MYO7A: variants seen among roughly 807,000 people sequenced by gnomAD.
The protein encoded by MYO7A is unconventional myosin-VIIa.
A neutral mutation model predicts 263.8 loss-of-function variants in MYO7A; 210 were observed. The observed-to-expected ratio is 0.80, with a 90% confidence interval of 0.71 to 0.89. The LOEUF (loss-of-function observed/expected upper bound fraction) is 0.89, where lower values mean the gene tolerates loss of function less well. Among genes scored for constraint, MYO7A ranks in the 40% least tolerant of loss-of-function variants. The probability of loss-of-function intolerance (pLI) is 0.00; values close to 1 mark genes in which losing one functional copy is unlikely to be tolerated. For synonymous variants in MYO7A, 1,239 were observed against 1,197.3 expected, an observed-to-expected ratio of 1.03 and a Z score of -0.72; for missense variants, 2,820 against 2,968.3, an observed-to-expected ratio of 0.95 and a Z score of 1.16.
At chr11:77,189,618 C>T in intron 28 of MYO7A, 148 bp downstream of exon 28, 1 of 1,228,904 alleles carries the variant, frequency 8.1e-7, no homozygotes, top group East Asian at 2.4e-5. Flanking sequence ...CCTGGCACCC[C>T]CTCCTCTCAG....
intron 5 of MYO7A, 123 bp from the exon 6 acceptor site, chr11:77,156,537 G>A: frequency 1.4e-6 from 2 of 1,408,358 alleles, no homozygotes; most frequent in Non-Finnish European, 2.0e-6. Flanking sequence ...GCCCTGGAGG[G>A]TCCGTATTGT....
Position 77,189,384 on chromosome 11 carries a change from A to G in MYO7A, c.3544A>G (p.Asn1182Asp), listed in dbSNP as rs782521049. The G allele has an allele frequency of 6.2e-7, 1 of 1,613,804 alleles. No individual in the cohort carries two copies. Among genetic ancestry groups the G allele is most frequent in the South Asian group, 1.1e-5 (1 of 91,076 alleles). ...CCAGATCAGCAAGCAGCTGACCCAC[A>G]ACCCCTCCAAGAGCAGCTATGCCCG... ...YCQISKQLTHNPSKSSYARGW... is the reference protein window; with the variant it reads ...YCQISKQLTHDPSKSSYARGW... Residue 1182 changes from asparagine (N) to aspartate (D), a missense_variant, in exon 28 of 49, where the codon AAC (asparagine) becomes GAC (aspartate). Physicochemically the swap from Asn to Asp is conservative, Grantham distance 23. Transcript: ENST00000409709.
At chr11:77,195,320 C>A (rs1956566402) in intron 32 of MYO7A, among the ~76,000 whole-genome samples, 1 of 152,124 alleles carries the variant, frequency 6.6e-6, no homozygotes, top group Non-Finnish European at 1.5e-5. Context: ...CCCCCGAACC[C>A]CACTTCAGAG....
In MYO7A at chr11:77,182,088, G is replaced by GGGGA. The variant is rs1955276590; in HGVS notation, c.3042_3043insGGGA (p.His1015GlyfsTer17). Reference sequence around the variant, plus strand: ...CCACCTACTTCCAGGGGACAACCACGCACTCCTACACCCGGCGGCCACTCA... The same window carrying GGGGA: ...CCACCTACTTCCAGGGGACAACCACGGGGACACTCCTACACCCGGCGGCCACTCA... On this transcript the variant is annotated frameshift_variant, in exon 24 of 49. Coordinates refer to ENST00000409709, the MANE Select transcript of MYO7A (RefSeq NM_000260.4). LOFTEE classifies it high-confidence loss of function. The GGGGA allele has an allele frequency of 6.2e-7, 1 of 1,613,208 alleles. No homozygotes were observed. Among genetic ancestry groups the GGGGA allele is most frequent in the Non-Finnish European group, 8.5e-7 (1 of 1,179,832 alleles).
chr11:77,198,632 C>T lies in MYO7A; in HGVS notation c.4568+11C>T, dbSNP rs1372498688. On this transcript the variant is annotated intron_variant, in intron 34 of 48. Transcript: ENST00000409709. ...CGTGTCCAGCAGCAGGTGAGGAGGC[C>T]CGCATGGAGATGCAGACAGACAGAG... 6.2e-7 allele frequency: 1 copy of T among 1,613,462 alleles called. No individual in the cohort carries two copies. The highest frequency in any genetic ancestry group is 2.2e-5 in the East Asian group (1 of 44,870).
intron 27 of MYO7A, among the ~76,000 whole-genome samples, chr11:77,186,239 G>A (rs1159795494): frequency 1.3e-5 from 2 of 152,124 alleles, no homozygotes; most frequent in African/African-American, 4.8e-5. Flanking sequence ...TAATTTTTAA[G>A]AGCCCCAGAA....
intron 2 of MYO7A, among the ~76,000 whole-genome samples, chr11:77,141,134 G>A (rs1326165816): frequency 6.6e-6 from 1 of 152,204 alleles, no homozygotes; most frequent in African/African-American, 2.4e-5. Context: ...GTGTGTAGTG[G>A]GCTGTACCAT....
In MYO7A at chr11:77,179,827, C is replaced by G; in HGVS notation, c.2460C>G (p.Phe820Leu). The G allele has an allele frequency of 5.2e-6, 8 of 1,545,388 alleles. No individual in the cohort carries two copies. Among genetic ancestry groups the G allele is most frequent in the Non-Finnish European group, 7.0e-6 (8 of 1,147,672 alleles). Residue 820 changes from phenylalanine (F) to leucine (L), a missense_variant, in exon 21 of 49, where the codon TTC (phenylalanine) becomes TTG (leucine). Physicochemically the swap from Phe to Leu is conservative, Grantham distance 22. Transcript: ENST00000409709. ...TGGCCCGCCAGCGCATCATCCAGTT[C>G]CAGGCCCGCTGCCGCGCCTATCTGG... The part of the protein sequence containing the change: ...YRLARQRIIQ[F>L]QARCRAYLVR...
At chr11:77,168,905 G>T (rs1953820640) in intron 15 of MYO7A, among the ~76,000 whole-genome samples, 2 of 152,166 alleles carry the variant, frequency 1.3e-5, no homozygotes, top group Admixed American at 1.3e-4. Context: ...CTGCCTCAGG[G>T]ACTTGTCTAA....
chr11:77,162,902 A>T lies in MYO7A; in HGVS notation c.1604A>T (p.Asn535Ile), dbSNP rs1555070114. 1 of 1,613,764 alleles carries T rather than the reference A, an allele frequency of 6.2e-7. No homozygotes were observed. The change falls in exon 14 of 49, where the codon AAC becomes ATC. Residue 535 changes from asparagine (N) to isoleucine (I), a missense_variant. Coordinates refer to ENST00000409709, the MANE Select transcript of MYO7A (RefSeq NM_000260.4). The part of the protein sequence containing the change: ...LHKLNSQHKL[N>I]ANYIPPKNNH... ...AAGCTGAACTCCCAGCACAAGCTCA[A>T]CGCCAACTACATCCCCCCCAAGAAC...
intron 47 of MYO7A, 101 bp downstream of exon 47, chr11:77,213,136 C>A: frequency 1.1e-6 from 1 of 898,048 alleles, no homozygotes; most frequent in Non-Finnish European, 1.7e-6. Context: ...CACCATCTAT[C>A]TCTAGACTCA....
rs1591311978 is a variant in MYO7A, at chr11:77,166,297, A to G, written c.1797+135A>G. On this transcript the variant is annotated intron_variant, in intron 15 of 48. Transcript: ENST00000409709. ...GGGTATGGAGCTTTGCTGTGGCTCC[A>G]GGAGGGGCCTGGAGGGGCCTCAAAG... 5.5e-5 allele frequency: 42 copies of G among 761,734 alleles called. No individual in the cohort carries two copies. The East Asian group carries it at 1.1e-3, about 21-fold the overall frequency. The allele number at this position is 761,734 out of a possible 1,614,324, so 47.2% of individuals were successfully genotyped here.
At chr11:77,213,090 C>T in intron 47 of MYO7A, 55 bp downstream of exon 47, 1 of 1,396,548 alleles carries the variant, frequency 7.2e-7, no homozygotes, top group East Asian at 2.5e-5. Flanking sequence ...GAACCACAGA[C>T]ACGGTCCCAG....
intron 8 of MYO7A, 126 bp from the exon 9 acceptor site, chr11:77,158,151 G>T (rs534390264): frequency 2.3e-4 from 251 of 1,087,726 alleles, no homozygotes; most frequent in Non-Finnish European, 1.9e-4. Context: ...TGAGGTCAGC[G>T]CCTGGGGCCC....
intron 44 of MYO7A, among the ~76,000 whole-genome samples, chr11:77,210,247 G>C (rs1957770460): frequency 6.6e-6 from 1 of 152,190 alleles, no homozygotes; most frequent in Admixed American, 6.5e-5. Flanking sequence ...TGCTTAAAGG[G>C]CCTGGCTCAT....
Position 77,156,900 on chromosome 11 carries a change from A to G in MYO7A, c.631A>G (p.Ser211Gly), listed in dbSNP as rs111033486. 68 of 1,613,890 alleles carry G rather than the reference A, an allele frequency of 4.2e-5. No homozygotes were observed. Among genetic ancestry groups the G allele is most frequent in the Non-Finnish European group, 5.3e-5 (62 of 1,179,900 alleles). ...CAAGACCATCCGCAATGACAACTCA[A>G]GCCGTTTCGGAAAGTACATCGACAT... ...NAKTIRNDNS[S>G]RFGKYIDIHF... Residue 211 changes from serine (S) to glycine (G), a missense_variant, in exon 7 of 49, where the codon AGC (serine) becomes GGC (glycine). Physicochemically the swap from Ser to Gly is moderately conservative, Grantham distance 56 (BLOSUM62 0). Coordinates refer to ENST00000409709, the MANE Select transcript of MYO7A (RefSeq NM_000260.4).
intron 5 of MYO7A, 67 bp from the exon 6 acceptor site, chr11:77,156,593 G>C: frequency 6.2e-7 from 1 of 1,600,442 alleles, no homozygotes; most frequent in Non-Finnish European, 8.5e-7. Context: ...TGCAGCCTGG[G>C]CTGAGTTCCA....
At position 77,179,874 on chromosome 11, in the gene MYO7A, G is replaced by A. The variant is rs782179888; in HGVS notation, c.2507G>A (p.Arg836His). Residue 836 changes from arginine to histidine, a missense_variant, in exon 21 of 49, where the codon CGC (arginine) becomes CAC (histidine). Coordinates refer to ENST00000409709, the MANE Select transcript of MYO7A (RefSeq NM_000260.4). ...AYLVRKAFRH[R>H]LWAVLTVQAY... The stretch of plus-strand genomic sequence containing the variant: ...CTGGTGCGCAAGGCCTTCCGCCACC[G>A]CCTCTGGGCTGTGCTCACCGTGCAG... The A allele has an allele frequency of 3.1e-5, 48 of 1,540,808 alleles. No individual in the cohort carries two copies. Among genetic ancestry groups the A allele is most frequent in the African/African-American group, 1.5e-4 (11 of 73,006 alleles).
chr11:77,162,470 A>G (rs1344406999), intron 13 of MYO7A, 140 bp downstream of exon 13: 5 of 833,530 alleles, frequency 6.0e-6, no homozygotes, highest in Non-Finnish European at 7.6e-6. Flanking sequence ...CAATTCAAGT[A>G]TAGGCATCTG....
Sources: allele counts gnomAD v4.1 joint callset (sites outside exome capture counted in the v4.1 genomes callset), GRCh38; gene constraint gnomAD v4.1.1; transcripts MANE v1.5; gene names NCBI Gene and HGNC (gene_info 2026-07-23, HGNC 2026-07-21).